Variants in SRGAP2 observed in about 807,000 individuals in gnomAD.
The protein encoded by SRGAP2 is SLIT-ROBO Rho GTPase-activating protein 2.
In SRGAP2, 15 loss-of-function variants were observed where a neutral mutation model predicts 57.2. The ratio of observed to expected loss-of-function variants is 0.26; its 90% CI spans 0.18 to 0.40. The LOEUF is 0.40. Among genes scored for constraint, SRGAP2 ranks in the 10% least tolerant of loss-of-function variants. The pLI is 1.00. For missense variants in SRGAP2, 520 were observed against 669.6 expected, an observed-to-expected ratio of 0.78 and a Z score of 2.47; for synonymous variants, 249 against 248.0, an observed-to-expected ratio of 1.00 and a Z score of -0.04.
In SRGAP2 at chr1:206,430,218, A is replaced by C. The variant is rs782763828; in HGVS notation, c.1551A>C (p.Arg517Ser). The change falls in exon 14 of 23, where the codon AGA becomes AGC. Residue 517 changes from arginine (R) to serine (S), a missense_variant. By Grantham distance (110) the Arg-to-Ser change is moderately radical. This residue lies in a region of SRGAP2 where 478 missense variants were observed against 373.6 expected (regional missense o/e 1.28). Coordinates refer to ENST00000573034, the MANE Select transcript of SRGAP2 (RefSeq NM_015326.5). ...VVESCIRFIS[R>S]HGLQHEGIFR... ...AAAGCTGTATCCGGTTTATCAGCAG[A>C]CACGGTAAGCAGGATGACAGCCTTG... 1 of 780,854 alleles carries C rather than the reference A, an allele frequency of 1.3e-6. No homozygotes were observed. Among genetic ancestry groups the C allele is most frequent in the Non-Finnish European group, 2.4e-6 (1 of 417,922 alleles). 48.4% of individuals were successfully genotyped at this position (780,854 alleles called of 1,614,324 possible).
In SRGAP2 at chr1:206,378,619, A is replaced by AG. The variant is rs1655427189; in HGVS notation, c.424-5393dup. 5.9e-5 allele frequency among the ~76,000 whole-genome samples: 9 copies of AG among 152,340 alleles called. No homozygotes were observed. In the South Asian group the frequency reaches 1.9e-3, roughly 32 times the overall value. Reference sequence around the variant, plus strand: ...TTGGAGAACTTTTCTGTCTAGCTAGAGGATTGTAAATGCACCAATCAGCAC... The same window carrying AG: ...TTGGAGAACTTTTCTGTCTAGCTAGAGGGATTGTAAATGCACCAATCAGCAC... On this transcript the variant is annotated intron_variant, in intron 4 of 22. Transcript: ENST00000573034.
chr1:206,412,352 T>C (rs555806849), intron 10 of SRGAP2, among the ~76,000 whole-genome samples: 1 of 152,310 alleles, frequency 6.6e-6, no homozygotes, highest in African/African-American at 2.4e-5. Flanking sequence ...TTGAAGAAAT[T>C]CTCAGTTTTG....
In SRGAP2 at chr1:206,446,282, A is replaced by C; in HGVS notation, c.2082A>C (p.Gly694=). ...ELEGPVYSRG[G]SMEDYCDSPH... The stretch of plus-strand genomic sequence containing the variant: ...AGGGCCCTGTCTACAGCAGAGGAGG[A>C]AGCATGGAGGATTACTGGTAGGGGG... Residue 694 remains glycine, a synonymous_variant, in exon 18 of 23, where the codon GGA becomes GGC. Coordinates refer to ENST00000573034, the MANE Select transcript of SRGAP2 (RefSeq NM_015326.5). 1 of 780,846 alleles carries C rather than the reference A, an allele frequency of 1.3e-6. No individual in the cohort carries two copies. 48.4% of individuals were successfully genotyped at this position (780,846 alleles called of 1,614,324 possible). A position where few individuals can be genotyped will look rare whatever the true frequency, so the allele number is the denominator to read the frequency against.
At chr1:206,391,091 G>C (rs1656901153) in intron 5 of SRGAP2, among the ~76,000 whole-genome samples, 1 of 151,768 alleles carries the variant, frequency 6.6e-6, no homozygotes, top group Admixed American at 6.6e-5. Context: ...TGCATGGGAT[G>C]TTCAGCAGCA....
At chr1:206,279,581 A>T (rs1320195699) in intron 2 of SRGAP2, among the ~76,000 whole-genome samples, 3 of 86,608 alleles carry the variant, frequency 3.5e-5, no homozygotes, top group South Asian at 4.7e-4. Flanking sequence ...ACACCTGGCT[A>T]TTTTTTTTTT....
intron 4 of SRGAP2, among the ~76,000 whole-genome samples, chr1:206,357,652 T>C (rs1252636851): frequency 6.7e-6 from 1 of 149,928 alleles, no homozygotes; most frequent in African/African-American, 2.5e-5. Context: ...GGCGTGATCT[T>C]GGCTCACTGC....
chr1:206,320,882 CATG>C (rs1460971182), intron 3 of SRGAP2, among the ~76,000 whole-genome samples: 1 of 151,698 alleles, frequency 6.6e-6, no homozygotes, highest in African/African-American at 2.4e-5. Flanking sequence ...AAATTGCAGA[CATG>C]ATGACCTTTT....
At chr1:206,424,744 G>C (rs1282719289) in intron 13 of SRGAP2, among the ~76,000 whole-genome samples, 2 of 152,254 alleles carry the variant, frequency 1.3e-5, no homozygotes, top group Non-Finnish European at 2.9e-5. Flanking sequence ...CCACAGGAGT[G>C]CACAGACACA....
chr1:206,314,117 TTG>T (rs1388430688), intron 3 of SRGAP2, among the ~76,000 whole-genome samples: 3,252 of 131,390 alleles, frequency 0.025, 88 homozygotes, highest in African/African-American at 0.075. Context: ...TTTTTTTTTT[TTG>T]TTGTTGTTGT....
At chr1:206,241,133 G>C (rs1190905617) in intron 2 of SRGAP2, among the ~76,000 whole-genome samples, 2 of 152,180 alleles carry the variant, frequency 1.3e-5, no homozygotes, top group African/African-American at 4.8e-5. Context: ...ACGGTGAGCT[G>C]TAATCATGCC....
At chr1:206,213,084 G>A (rs1204355317) in intron 2 of SRGAP2, among the ~76,000 whole-genome samples, 3 of 152,056 alleles carry the variant, frequency 2.0e-5, no homozygotes, top group Non-Finnish European at 2.9e-5. Context: ...CCAGCTATAC[G>A]GGAGGCTGAG....
intron 2 of SRGAP2, among the ~76,000 whole-genome samples, chr1:206,284,845 A>G (rs1418234490): frequency 6.6e-6 from 1 of 152,178 alleles, no homozygotes; most frequent in Non-Finnish European, 1.5e-5. Context: ...TGCTCATACC[A>G]TCTTGGCCTA....
chr1:206,267,876 G>A (rs1553315012), intron 2 of SRGAP2, among the ~76,000 whole-genome samples: 1 of 151,200 alleles, frequency 6.6e-6, no homozygotes, highest in East Asian at 1.9e-4. Context: ...ATAGAAAAGA[G>A]TGATGGATGA....
chr1:206,325,116 G>A (rs1405375156), intron 3 of SRGAP2, among the ~76,000 whole-genome samples: 3 of 128,890 alleles, frequency 2.3e-5, no homozygotes, highest in African/African-American at 5.8e-5. Context: ...AAGAAAAAAA[G>A]AAAAAAACGA....
At chr1:206,424,744 G>A (rs1282719289) in intron 13 of SRGAP2, among the ~76,000 whole-genome samples, 7 of 152,254 alleles carry the variant, frequency 4.6e-5, no homozygotes, top group Admixed American at 1.3e-4. Flanking sequence ...CCACAGGAGT[G>A]CACAGACACA....
chr1:206,372,969 CTTTCTTTCTTTCTTTCTTTCTTTCTTT>C, intron 4 of SRGAP2, among the ~76,000 whole-genome samples: 1 of 11,596 alleles, frequency 8.6e-5, no homozygotes, highest in African/African-American at 3.9e-4. Flanking sequence ...TCTTTCCTTT[CTTTCTTTCTTTCTTTCTTTCTTTCTTT>C]CTTTCTTTCT....
At chr1:206,239,853 G>T (rs1668102602) in intron 2 of SRGAP2, among the ~76,000 whole-genome samples, 1 of 151,168 alleles carries the variant, frequency 6.6e-6, no homozygotes, top group African/African-American at 2.4e-5. Context: ...TACAATTTTT[G>T]ACAGATATCT....
At chr1:206,422,714 A>G (rs1384582236) in intron 13 of SRGAP2, among the ~76,000 whole-genome samples, 1 of 152,150 alleles carries the variant, frequency 6.6e-6, no homozygotes, top group African/African-American at 2.4e-5. Flanking sequence ...GGCAGGTGAT[A>G]TGTGCCCTTG....
chr1:206,447,403 A>G (rs1404233173), intron 18 of SRGAP2, among the ~76,000 whole-genome samples: 2 of 152,176 alleles, frequency 1.3e-5, no homozygotes, highest in Non-Finnish European at 2.9e-5. Context: ...CTCTTGCCCA[A>G]GGAGTGAAGA....
Sources: allele counts gnomAD v4.1 joint callset (sites outside exome capture counted in the v4.1 genomes callset), GRCh38; gene constraint gnomAD v4.1.1; regional missense constraint gnomAD v4.1.1; transcripts MANE v1.5; gene names NCBI Gene and HGNC (gene_info 2026-07-23, HGNC 2026-07-21).